Variants in PLCH2 observed in about 807,000 individuals in gnomAD.
PLCH2 encodes 1-phosphatidylinositol 4,5-bisphosphate phosphodiesterase eta-2.
In PLCH2, 98 loss-of-function variants were observed where a neutral mutation model predicts 134.7. The ratio of observed to expected loss-of-function variants is 0.73; its 90% CI spans 0.62 to 0.86. The LOEUF is 0.86. PLCH2 is among the 40% of genes least tolerant of loss of function. PLCH2 has a pLI of 0.00. For missense variants in PLCH2, 1,994 were observed against 1,986.6 expected, an observed-to-expected ratio of 1.00 and a Z score of -0.07; for synonymous variants, 974 against 827.5, an observed-to-expected ratio of 1.18 and a Z score of -3.04.
chr1:2,452,178 CAGA>C (rs1176795293), intron 2 of PLCH2, among the ~76,000 whole-genome samples: 3 of 152,180 alleles, frequency 2.0e-5, no homozygotes, highest in Non-Finnish European at 4.4e-5. Flanking sequence ...GCCAGGTGTG[CAGA>C]AGGACGGTGG....
At chr1:2,489,473 C>T (rs536209263) in intron 9 of PLCH2, 95 bp downstream of exon 9, 66 of 1,367,552 alleles carry the variant, frequency 4.8e-5, no homozygotes, top group African/African-American at 3.4e-4. Flanking sequence ...TCATGCCATC[C>T]ATGGGCATAT....
At chr1:2,418,838 G>C in the PLCH2 span, among the ~76,000 whole-genome samples, 18 of 152,334 alleles carry the variant, frequency 1.2e-4, no homozygotes, top group African/African-American at 4.1e-4. Context: ...CTCCCTGGCT[G>C]CTGATCTCCC....
chr1:2,424,734 T>C (rs895469100), upstream of PLCH2, among the ~76,000 whole-genome samples: 23 of 152,130 alleles, frequency 1.5e-4, no homozygotes, highest in African/African-American at 5.6e-4. Context: ...ATGCCTGTAA[T>C]CCCAGCACTT....
chr1:2,472,793 GC>G (rs1313927481), upstream of PLCH2, among the ~76,000 whole-genome samples: 2 of 152,166 alleles, frequency 1.3e-5, no homozygotes, highest in Non-Finnish European at 2.9e-5. Flanking sequence ...AAGAGGTGGG[GC>G]CCCTGCCCGT....
At chr1:2,437,909 G>A (rs985121243) in intron 2 of PLCH2, among the ~76,000 whole-genome samples, 9 of 152,164 alleles carry the variant, frequency 5.9e-5, no homozygotes, top group Admixed American at 2.0e-4. Flanking sequence ...TCCAGAACTC[G>A]CCTCTCACCG....
At position 2,489,204 on chromosome 1, in the gene PLCH2, C is replaced by T; in HGVS notation, c.1236-3C>T. ...TCCTGCTCTTTCTGCCTTGGGGCCA[C>T]AGGTACCCAGTGATCCTGTCCATCG... On this transcript the variant is annotated splice_region_variant and splice_polypyrimidine_tract_variant and intron_variant, in intron 8 of 21. Coordinates refer to ENST00000378486, the MANE Select transcript of PLCH2 (RefSeq NM_014638.4). 1.2e-6 allele frequency: 2 copies of T among 1,613,308 alleles called. No individual in the cohort carries two copies. The highest frequency in any genetic ancestry group is 1.3e-5 in the African/African-American group (1 of 75,052).
chr1:2,467,471 C>G (rs1463409466), exon 1 of PLCH2: 5 of 393,408 alleles, frequency 1.3e-5, no homozygotes, highest in Non-Finnish European at 2.2e-5. Context: ...CGGGCGGGCG[C>G]GGCAGGGCAG....
chr1:2,494,838 T>A lies in PLCH2; in HGVS notation c.1660-18T>A. On this transcript the variant is annotated intron_variant, in intron 11 of 21. Transcript: ENST00000378486. ...CAAGGCTAGACTCACCTTGTCCCTG[T>A]CTCTCCCCTGGACTCAGAGCAAGGC... 1 of 1,574,196 alleles carries A rather than the reference T, an allele frequency of 6.4e-7. No homozygotes were observed. Among genetic ancestry groups the A allele is most frequent in the Non-Finnish European group, 8.7e-7 (1 of 1,153,574 alleles).
upstream of PLCH2, among the ~76,000 whole-genome samples, chr1:2,423,581 G>A (rs1413706596): frequency 2.6e-5 from 4 of 152,136 alleles, no homozygotes; most frequent in Admixed American, 2.6e-4. Context: ...ATTATGGAGG[G>A]TGAGGGGCTG....
intron 1 of PLCH2, among the ~76,000 whole-genome samples, chr1:2,477,144 T>C (rs1035955731): frequency 6.0e-5 from 9 of 151,246 alleles, no homozygotes; most frequent in Non-Finnish European, 8.9e-5. Flanking sequence ...GCTGGGAGGG[T>C]GGAGTGTGTG....
the PLCH2 span, among the ~76,000 whole-genome samples, chr1:2,417,074 G>A: frequency 4.6e-5 from 7 of 152,150 alleles, no homozygotes; most frequent in Admixed American, 2.6e-4. Context: ...GGCCATGCCT[G>A]GTCCAAGGCA....
chr1:2,498,904 CG>C lies in PLCH2; in HGVS notation c.2434+79del. The C allele has an allele frequency of 1.5e-6, 2 of 1,367,954 alleles. No homozygotes were observed. The highest frequency in any genetic ancestry group is 2.0e-6 in the Non-Finnish European group (2 of 980,140). 84.7% of individuals were successfully genotyped at this position (1,367,954 alleles called of 1,614,324 possible). On this transcript the variant is annotated intron_variant, in intron 18 of 21. Transcript: ENST00000378486. The surrounding 1 kb of genome is among the most constrained non-coding windows in gnomAD (Gnocchi z 5.4). ...GAGGGTTGGGGCTACCTGGTGTGCC[CG>C]GGTGCCCTGCCCAGGCCTCCCTCAG...
In PLCH2 at chr1:2,489,398, C is replaced by T; in HGVS notation, c.1407+20C>T. 2 of 1,611,906 alleles carry T rather than the reference C, an allele frequency of 1.2e-6. No individual in the cohort carries two copies. Among genetic ancestry groups the T allele is most frequent in the Non-Finnish European group, 1.7e-6 (2 of 1,178,818 alleles). The stretch of plus-strand genomic sequence containing the variant: ...GTGAAGGTGAGTGAGCCCCTGCCCT[C>T]CTGGGACCAGCTCACACAGAGTCTC... On this transcript the variant is annotated intron_variant, in intron 9 of 21. Transcript: ENST00000378486.
At chr1:2,441,487 A>G (rs1639690280) in intron 2 of PLCH2, among the ~76,000 whole-genome samples, 1 of 152,074 alleles carries the variant, frequency 6.6e-6, no homozygotes, top group Non-Finnish European at 1.5e-5. Context: ...TTCCTCCTGC[A>G]CGTTTCTGAG....
chr1:2,505,478 A>T lies in PLCH2; in HGVS notation c.*265A>T. 1 of 509,712 alleles carries T rather than the reference A, an allele frequency of 2.0e-6. No homozygotes were observed. Among genetic ancestry groups the T allele is most frequent in the South Asian group, 2.8e-5 (1 of 35,380 alleles). 31.6% of individuals were successfully genotyped at this position (509,712 alleles called of 1,614,324 possible). The stretch of plus-strand genomic sequence containing the variant: ...AGGATCTGTACATAGAGAAATATTT[A>T]AATTTTTAGAAGCAAAACTTATACA... On this transcript the variant is annotated 3_prime_UTR_variant, in exon 22 of 22. Transcript: ENST00000378486.
chr1:2,428,467 T>C (rs115084794), intron 1 of PLCH2, among the ~76,000 whole-genome samples: 1,765 of 152,350 alleles, frequency 0.012, 39 homozygotes, highest in African/African-American at 0.041. Flanking sequence ...GTGGACTGCA[T>C]CTGTCCTGCA....
chr1:2,443,494 G>A (rs926183555), intron 2 of PLCH2, among the ~76,000 whole-genome samples: 3 of 152,104 alleles, frequency 2.0e-5, no homozygotes, highest in South Asian at 4.1e-4. Flanking sequence ...GCCACGGGGA[G>A]CCGGAGGGAG....
upstream of PLCH2, among the ~76,000 whole-genome samples, chr1:2,425,164 C>CAA (rs59406327): frequency 5.0e-3 from 432 of 86,282 alleles, 12 homozygotes; most frequent in East Asian, 0.032. Flanking sequence ...CACTCCGTCT[C>CAA]AAAAAAAAAA....
chr1:2,480,850 G>A (rs1354313870), intron 4 of PLCH2, among the ~76,000 whole-genome samples: 1 of 152,226 alleles, frequency 6.6e-6, no homozygotes, highest in Non-Finnish European at 1.5e-5. Context: ...AAAGCCTGCT[G>A]GGCCGGGGGA....
Sources: gnomAD v4.1 joint callset for allele counts (sites outside exome capture counted in the v4.1 genomes callset) on GRCh38, gnomAD v4.1.1 for gene constraint, Gnocchi (gnomAD v3.1) non-coding constraint, MANE v1.5 for transcripts, NCBI Gene and HGNC (gene_info 2026-07-23, HGNC 2026-07-21) for gene names.